Variants in CELF2 observed in about 807,000 individuals in gnomAD.
CELF2 encodes the protein CUG triplet repeat RNA-binding protein 2.
Under a neutral mutation model 62.6 loss-of-function variants are expected in CELF2, and 8 were observed. That is an observed-to-expected ratio of 0.13 (90% confidence interval 0.07 to 0.23). CELF2 has a LOEUF of 0.23. Among genes scored for constraint, CELF2 ranks in the 10% least tolerant of loss-of-function variants. CELF2 has a pLI of 1.00. For missense variants in CELF2, 333 were observed against 671.0 expected (o/e 0.50, Z 5.56); for synonymous variants, 258 against 250.0 (o/e 1.03, Z -0.30).
chr10:11,081,287 C>T (rs1050457738), intron 1 of CELF2, among the ~76,000 whole-genome samples: 13 of 152,094 alleles, frequency 8.5e-5, no homozygotes, highest in African/African-American at 3.1e-4. Flanking sequence ...GGCAAAAAGA[C>T]CAGCAGCCTA....
chr10:11,062,958 A>G (rs1396872762), intron 1 of CELF2, among the ~76,000 whole-genome samples: 2 of 152,160 alleles, frequency 1.3e-5, no homozygotes, highest in Non-Finnish European at 2.9e-5. Context: ...GCCATCAGTC[A>G]GTAGCCATCA....
At chr10:10,507,698 G>T in the CELF2 span, among the ~76,000 whole-genome samples, 3 of 152,064 alleles carry the variant, frequency 2.0e-5, no homozygotes, top group Non-Finnish European at 4.4e-5. Context: ...AAGATGGAGG[G>T]TGTGCTATAT....
chr10:10,812,103 G>A (rs1161306516), intron 1 of CELF2, among the ~76,000 whole-genome samples: 2 of 152,128 alleles, frequency 1.3e-5, no homozygotes, highest in Non-Finnish European at 2.9e-5. Context: ...TCATGTTGCT[G>A]ACCAAGACAT....
At chr10:10,631,728 G>A in the CELF2 span, among the ~76,000 whole-genome samples, 18 of 151,992 alleles carry the variant, frequency 1.2e-4, no homozygotes, top group African/African-American at 4.3e-4. Context: ...TGAGTTCTTA[G>A]CAGGAAAAAT....
the CELF2 span, among the ~76,000 whole-genome samples, chr10:10,681,897 A>G: frequency 1.3e-5 from 2 of 152,244 alleles, no homozygotes; most frequent in South Asian, 2.1e-4. Context: ...GCTAAAACAT[A>G]AAAAAGCTTA....
At chr10:10,743,957 T>G in the CELF2 span, among the ~76,000 whole-genome samples, 1 of 152,224 alleles carries the variant, frequency 6.6e-6, no homozygotes, top group African/African-American at 2.4e-5. Flanking sequence ...ATATGGTATA[T>G]AAATGTAAAA....
chr10:10,539,493 A>G, the CELF2 span, among the ~76,000 whole-genome samples: 1 of 103,642 alleles, frequency 9.6e-6, no homozygotes, highest in Admixed American at 1.6e-4. Context: ...TTATTTGCCC[A>G]TTAGATTTTC....
chr10:10,871,163 A>C (rs1322738348), intron 1 of CELF2, among the ~76,000 whole-genome samples: 1 of 152,200 alleles, frequency 6.6e-6, no homozygotes, highest in Admixed American at 6.5e-5. Context: ...AAAATGTGTC[A>C]AACCATGCCC....
At chr10:10,634,130 T>C in the CELF2 span, among the ~76,000 whole-genome samples, 1 of 152,140 alleles carries the variant, frequency 6.6e-6, no homozygotes, top group South Asian at 2.1e-4. Flanking sequence ...TTACATGAAA[T>C]TTACAAATTC....
intron 2 of CELF2, among the ~76,000 whole-genome samples, chr10:11,200,040 G>C (rs960336900): frequency 6.6e-6 from 1 of 152,188 alleles, no homozygotes; most frequent in South Asian, 2.1e-4. Flanking sequence ...TTGTTGACAC[G>C]CCTTCTGGAT....
rs1204368329 is a variant in CELF2, at chr10:11,297,067, T to G, written c.976+8515T>G. On this transcript the variant is annotated intron_variant, in intron 9 of 12. Coordinates refer to ENST00000633077, the MANE Select transcript of CELF2 (RefSeq NM_001326342.2). The surrounding 1 kb of genome is among the most constrained non-coding windows in gnomAD (Gnocchi z 4.4). ...TGATAGACTTCCTGTGTGACTGGAC[T>G]GAGGCACCCATTTGATGTGAGGGAG... Among the ~76,000 whole-genome samples the G allele has an allele frequency of 6.6e-6, 1 of 152,142 alleles. No individual in the cohort carries two copies. The highest frequency in any genetic ancestry group is 1.9e-4 in the East Asian group (1 of 5,188).
the CELF2 span, among the ~76,000 whole-genome samples, chr10:10,634,363 C>T: frequency 3.3e-4 from 50 of 152,076 alleles, no homozygotes; most frequent in Non-Finnish European, 5.9e-4. Context: ...TACTAATTGT[C>T]GGTTTTATAT....
the CELF2 span, among the ~76,000 whole-genome samples, chr10:10,604,974 A>G: frequency 6.6e-6 from 1 of 152,226 alleles, no homozygotes; most frequent in Non-Finnish European, 1.5e-5. Flanking sequence ...ATGCACATTT[A>G]TGTTCATCGC....
chr10:11,270,767 C>T lies in CELF2; in HGVS notation c.720C>T (p.Asn240=). The T allele has an allele frequency of 6.4e-7, 1 of 1,555,956 alleles. No individual in the cohort carries two copies. Among genetic ancestry groups the T allele is most frequent in the Middle Eastern group, 1.7e-4 (1 of 5,820 alleles). The change falls in exon 7 of 13, where the codon AAC becomes AAT. Residue 240 remains asparagine (N), a synonymous_variant. Transcript: ENST00000633077. The surrounding 1 kb of genome is among the most constrained non-coding windows in gnomAD (Gnocchi z 5.8). ...QQLAQQMQQL[N]TATWGNLTGL... is the part of the protein sequence containing the mutation. ...TCGCTCAGCAGATGCAGCAGCTCAACACTGCCACCTGGGGGAACCTGACAG... is the reference window on the plus strand; with the variant it reads ...TCGCTCAGCAGATGCAGCAGCTCAATACTGCCACCTGGGGGAACCTGACAG...
chr10:10,731,066 A>G, the CELF2 span, among the ~76,000 whole-genome samples: 1 of 152,200 alleles, frequency 6.6e-6, no homozygotes, highest in African/African-American at 2.4e-5. Context: ...GGTATACCCA[A>G]TAATCTTAAC....
chr10:10,993,463 C>G lies in CELF2; in HGVS notation c.89+73464C>G, dbSNP rs961868283. Among the ~76,000 whole-genome samples the G allele has an allele frequency of 6.6e-6, 1 of 152,034 alleles. No individual in the cohort carries two copies. The highest frequency in any genetic ancestry group is 2.4e-5 in the African/African-American group (1 of 41,414). On this transcript the variant is annotated intron_variant, in intron 2 of 13. Coordinates refer to the CELF2 transcript ENST00000636488. The surrounding 1 kb of genome is among the most constrained non-coding windows in gnomAD (Gnocchi z 5.3). ...GGGGAAATGCCAATTTAGGCAGACA[C>G]CAAGCATGAGAAAGGCAAGCCTCAG...
intron 3 of CELF2, among the ~76,000 whole-genome samples, chr10:11,232,223 A>G (rs1395020889): frequency 6.6e-6 from 1 of 151,414 alleles, no homozygotes; most frequent in East Asian, 1.9e-4. Flanking sequence ...GTTCCCACCT[A>G]TGAGTGCTGT....
intron 1 of CELF2, chr10:11,030,692 A>G (rs903278527): frequency 1.3e-5 from 2 of 152,234 alleles, no homozygotes; most frequent in African/African-American, 2.4e-5. Flanking sequence ...GAGTTTCTGG[A>G]TAGGTGGGCA....
the CELF2 span, among the ~76,000 whole-genome samples, chr10:10,765,800 G>A: frequency 3.3e-5 from 5 of 152,200 alleles, 1 homozygote; most frequent in African/African-American, 1.2e-4. Context: ...AGGACTGAGT[G>A]TCTTTTCTTT....
Sources: gnomAD v4.1 joint callset for allele counts (sites outside exome capture counted in the v4.1 genomes callset) on GRCh38, gnomAD v4.1.1 for gene constraint, Gnocchi (gnomAD v3.1) non-coding constraint, MANE v1.5 for transcripts, NCBI Gene and HGNC (gene_info 2026-07-23, HGNC 2026-07-21) for gene names.